RASAL1: variants seen among roughly 807,000 people sequenced by gnomAD.
RASAL1 encodes rasGAP-activating-like protein 1.
Under a neutral mutation model 96.6 loss-of-function variants are expected in RASAL1, and 72 were observed. That is an observed-to-expected ratio of 0.75 (90% CI 0.62 to 0.91). RASAL1 has a LOEUF of 0.91. RASAL1 is among the 40% of genes least tolerant of loss of function. RASAL1 has a pLI of 0.00. For missense variants in RASAL1, 1,016 were observed against 1,072.5 expected (o/e 0.95, Z 0.74); for synonymous variants, 405 against 430.4 (o/e 0.94, Z 0.73).
chr12:113,130,614 C>T lies in RASAL1; in HGVS notation c.122+271G>A, dbSNP rs566807058. Among the ~76,000 whole-genome samples the T allele has an allele frequency of 3.3e-5, 5 of 152,318 alleles. No homozygotes were observed. The highest frequency in any genetic ancestry group is 1.2e-4 in the African/African-American group (5 of 41,572). On this transcript the variant is annotated intron_variant, in intron 2 of 20. Transcript: ENST00000548055. This position sits in a 1 kb window ranked among gnomAD's most constrained non-coding sequence, Gnocchi z 5.1. ...GTCCAGCCAAGCGTGAGATGCCCGC[C>T]CCCAGGGAGGCCACTGTAGGAGGCA...
In RASAL1 at chr12:113,119,023, G is replaced by C. The variant is rs866085894; in HGVS notation, c.642+105C>G. ...ACCAGGGGAACCTGATGAGGCAGCT[G>C]TACATCCACCCTTCTGAGAGCCAGG... On this transcript the variant is annotated intron_variant, in intron 7 of 20. Transcript: ENST00000548055. The C allele has an allele frequency of 5.1e-6, 7 of 1,381,872 alleles. No individual in the cohort carries two copies. The African/African-American group carries it at 7.2e-5, about 14-fold the overall frequency. The allele number at this position is 1,381,872 out of a possible 1,614,324, so 85.6% of individuals were successfully genotyped here.
intron 5 of RASAL1, 50 bp downstream of exon 5, chr12:113,121,459 T>G (rs1473049820): frequency 5.0e-6 from 8 of 1,609,114 alleles, no homozygotes; most frequent in African/African-American, 1.3e-5. Context: ...CCCAGGGGAC[T>G]CCTGCTCATT....
At position 113,104,691 on chromosome 12, in the gene RASAL1, G is replaced by A. The variant is rs534544276; in HGVS notation, c.1831-393C>T. Among the ~76,000 whole-genome samples the A allele has an allele frequency of 7.0e-4, 106 of 151,994 alleles. 1 individual carries two copies. Among genetic ancestry groups the A allele is most frequent in the African/African-American group, 2.4e-3 (101 of 41,464 alleles). ...TAATTTTTGTATTTTTAGTAGAGAC[G>A]GGGTTTCACTATGTTGGCCAGGCTG... is the stretch of plus-strand genomic sequence containing the variant. On this transcript the variant is annotated intron_variant, in intron 16 of 20. Transcript: ENST00000548055.
At chr12:113,113,931 C>T (rs1002010653) in intron 12 of RASAL1, among the ~76,000 whole-genome samples, 8 of 152,278 alleles carry the variant, frequency 5.3e-5, no homozygotes, top group Non-Finnish European at 8.8e-5. Context: ...TAATAAAAAT[C>T]GCTAATGTTG....
At chr12:113,131,206 C>G (rs965239462) in intron 1 of RASAL1, among the ~76,000 whole-genome samples, 1 of 146,414 alleles carries the variant, frequency 6.8e-6, no homozygotes, top group East Asian at 2.0e-4. Flanking sequence ...GGTTCTGAGT[C>G]CTGGCCTCGA....
Position 113,108,451 on chromosome 12 carries a change from T to G in RASAL1, c.1375-229A>C, listed in dbSNP as rs148907126. 1.8e-4 allele frequency among the ~76,000 whole-genome samples: 28 copies of G among 152,358 alleles called. No homozygotes were observed. In the East Asian group the frequency reaches 4.6e-3, roughly 25 times the overall value. On this transcript the variant is annotated intron_variant, in intron 13 of 20. Coordinates refer to ENST00000548055, the MANE Select transcript of RASAL1 (RefSeq NM_001301202.2). ...CTACAAAAGCAGATTTGGCCAAATG[T>G]CCTCAGAGTTGGCTTTGTGCCAAGC...
rs7960087 is a variant in RASAL1 at position 113,135,432 on chromosome 12, C to G, written c.31G>C (p.Val11Leu). Residue 11 changes from valine (V) to leucine (L), a missense_variant, in exon 1 of 21, where the codon GTG (valine) becomes CTG (leucine). Coordinates refer to ENST00000548055, the MANE Select transcript of RASAL1 (RefSeq NM_001301202.2). This position sits in a 1 kb window ranked among gnomAD's most constrained non-coding sequence, Gnocchi z 5.7. MAKSSSLNVR[V>L]VEGRALPAKD... The stretch of plus-strand genomic sequence containing the variant: ...GCAGGCAGCGCGCGGCCCTCCACCA[C>G]GCGAACATTCAGGGAGCTGCTCTTG... 65,903 of 1,609,750 alleles carry G rather than the reference C, an allele frequency of 0.041. 1,570 individuals are homozygous for G. The highest frequency in any genetic ancestry group is 0.044 in the Non-Finnish European group (51,657 of 1,178,546).
intron 18 of RASAL1, among the ~76,000 whole-genome samples, chr12:113,103,448 A>T (rs1375879999): frequency 6.6e-6 from 1 of 152,040 alleles, no homozygotes; most frequent in East Asian, 1.9e-4. Flanking sequence ...CCTACTAAAA[A>T]TACAAAAATT....
chr12:113,109,873 A>G (rs2136142292), intron 13 of RASAL1, among the ~76,000 whole-genome samples: 1 of 152,288 alleles, frequency 6.6e-6, no homozygotes, highest in Non-Finnish European at 1.5e-5. Context: ...TCTTCACATC[A>G]GCTCATTTGT....
intron 18 of RASAL1, among the ~76,000 whole-genome samples, chr12:113,103,605 C>CAAAA (rs35312852): frequency 7.4e-6 from 1 of 134,560 alleles, no homozygotes. Context: ...GACTCTGTCT[C>CAAAA]AAAAAAAAAA....
Position 113,135,445 on chromosome 12 carries a change from G to A in RASAL1, c.18C>T (p.Ser6=), listed in dbSNP as rs1210559584. The A allele has an allele frequency of 5.0e-6, 8 of 1,609,506 alleles. No individual in the cohort carries two copies. The highest frequency in any genetic ancestry group is 5.1e-6 in the Non-Finnish European group (6 of 1,178,606). Residue 6 remains serine, a synonymous_variant, in exon 1 of 21, where the codon TCC becomes TCT. Transcript: ENST00000548055. This position sits in a 1 kb window ranked among gnomAD's most constrained non-coding sequence, Gnocchi z 5.7. ...GGCCCTCCACCACGCGAACATTCAGGGAGCTGCTCTTGGCCATGGCGCCTA... is the reference window on the plus strand; with the variant it reads ...GGCCCTCCACCACGCGAACATTCAGAGAGCTGCTCTTGGCCATGGCGCCTA... MAKSS[S]LNVRVVEGRA... is the part of the protein sequence containing the mutation.
chr12:113,116,121 G>A (rs1951075241), intron 8 of RASAL1, 70 bp from the exon 9 acceptor site: 2 of 1,363,466 alleles, frequency 1.5e-6, no homozygotes, highest in Non-Finnish European at 2.0e-6. Context: ...TGTAATCCCA[G>A]CATTTTGGGA....
At chr12:113,108,497 C>T (rs1430160451) in intron 13 of RASAL1, among the ~76,000 whole-genome samples, 4 of 152,194 alleles carry the variant, frequency 2.6e-5, no homozygotes, top group Non-Finnish European at 4.4e-5. Flanking sequence ...GAGCACAGCC[C>T]TAAGAGGGAG....
At chr12:113,117,191 C>A in intron 7 of RASAL1, 30 bp from the exon 8 acceptor site, 2 of 1,521,582 alleles carry the variant, frequency 1.3e-6, no homozygotes, top group South Asian at 1.2e-5. Flanking sequence ...GACCCTCAGC[C>A]GGGCCCTGGC....
At chr12:113,108,276 C>T (rs967886455) in intron 13 of RASAL1, 54 bp from the exon 14 acceptor site, 36 of 1,544,432 alleles carry the variant, frequency 2.3e-5, no homozygotes, top group African/African-American at 2.1e-4. Flanking sequence ...TTCTCAGCTG[C>T]GTAAACTGAG....
chr12:113,102,982 C>G (rs1256942237), intron 18 of RASAL1: 2 of 216,608 alleles, frequency 9.2e-6, no homozygotes, highest in Non-Finnish European at 1.9e-5. Flanking sequence ...AACTTCTGCT[C>G]TACTCAGGTC....
rs1241990285 is a variant in RASAL1, at chr12:113,127,875, T to C, written c.237-2A>G. ...ATCTTGCCGATGATGTCGTCGTGCC[T>C]GCAGGAAGGCGGGCACGTGAAGGTC... On this transcript the variant is annotated splice_acceptor_variant, in intron 3 of 20. Transcript: ENST00000548055. LOFTEE classifies it high-confidence loss of function. The C allele has an allele frequency of 6.2e-7, 1 of 1,613,134 alleles. No individual in the cohort carries two copies. Among genetic ancestry groups the C allele is most frequent in the African/African-American group, 1.3e-5 (1 of 75,032 alleles).
intron 18 of RASAL1, among the ~76,000 whole-genome samples, chr12:113,102,468 G>A (rs2701621): frequency 0.77 from 117,125 of 152,092 alleles, 45,181 homozygotes; most frequent in Admixed American, 0.83. Flanking sequence ...TGAGGCAGGA[G>A]AATCTCTTGA....
rs1354593373 is a variant in RASAL1, at chr12:113,130,801, A to G, written c.122+84T>C. The G allele has an allele frequency of 3.3e-6, 4 of 1,204,254 alleles. No individual in the cohort carries two copies. The highest frequency in any genetic ancestry group is 1.2e-6 in the Non-Finnish European group (1 of 840,384). 74.6% of individuals were successfully genotyped at this position (1,204,254 alleles called of 1,614,324 possible). On this transcript the variant is annotated intron_variant, in intron 2 of 20. Transcript: ENST00000548055. This position sits in a 1 kb window ranked among gnomAD's most constrained non-coding sequence, Gnocchi z 5.1. ...TCCCCCTCAGGGTAAGCACTCCTTT[A>G]AATGTGAATTCTTGGTCCCAGATTC...
Sources: allele counts gnomAD v4.1 joint callset (sites outside exome capture counted in the v4.1 genomes callset), GRCh38; gene constraint gnomAD v4.1.1; non-coding constraint Gnocchi (gnomAD v3.1); transcripts MANE v1.5; gene names NCBI Gene and HGNC (gene_info 2026-07-23, HGNC 2026-07-21).